LTA4H: variants seen among roughly 807,000 people sequenced by gnomAD.
LTA4H encodes the protein leukotriene A-4 hydrolase.
LTA4H carries 59 observed loss-of-function variants against 89.8 expected under a neutral mutation model. The observed-to-expected ratio is 0.66, with a 90% CI of 0.53 to 0.82. The LOEUF is 0.82. Among genes scored for constraint, LTA4H ranks in the 40% least tolerant of loss-of-function variants. The probability of loss-of-function intolerance (pLI) is 0.00; values close to 1 mark genes in which losing one functional copy is unlikely to be tolerated. For synonymous variants in LTA4H, 227 were observed against 253.1 expected (o/e 0.90, Z 0.98); for missense variants, 617 against 727.0 (o/e 0.85, Z 1.74).
At chr12:96,008,206 G>A (rs183783932) in intron 15 of LTA4H, among the ~76,000 whole-genome samples, 138 of 152,192 alleles carry the variant, frequency 9.1e-4, no homozygotes, top group African/African-American at 3.2e-3. Context: ...TTGAAATTAC[G>A]TAAAAAAATG....
At chr12:96,016,769 C>T (rs939055817) in intron 10 of LTA4H, among the ~76,000 whole-genome samples, 10 of 151,872 alleles carry the variant, frequency 6.6e-5, no homozygotes, top group African/African-American at 1.2e-4. Context: ...GGCGTGGTGG[C>T]GCATGCCTGT....
Position 96,017,080 on chromosome 12 carries a change from C to G in LTA4H, c.911G>C (p.Gly304Ala). Residue 304 changes from glycine (G) to alanine (A), a missense_variant, in exon 10 of 19, where the codon GGG (glycine) becomes GCG (alanine). Physicochemically the swap from Gly to Ala is moderately conservative, Grantham distance 60. Around this residue, in one of 3 missense-constraint regions of LTA4H, gnomAD observed 172 missense variants for 244.5 expected, o/e 0.70. Transcript: ENST00000228740. Reference sequence around the variant, plus strand: ...CCAAGTTTTGTTGGTCACTAGATTCCCTGTCCAGCTATGAGATATTTCATG... The same window carrying G: ...CCAAGTTTTGTTGGTCACTAGATTCGCTGTCCAGCTATGAGATATTTCATG... ...IAHEISHSWT[G>A]NLVTNKTWDH... 6.2e-7 allele frequency: 1 copy of G among 1,612,252 alleles called. No homozygotes were observed. The highest frequency in any genetic ancestry group is 8.5e-7 in the Non-Finnish European group (1 of 1,178,512).
intron 3 of LTA4H, chr12:96,025,405 G>T (rs1950502526): frequency 6.6e-6 from 1 of 152,202 alleles, no homozygotes; most frequent in Non-Finnish European, 1.5e-5. Context: ...AGCAAACCTT[G>T]TAAGTAAAAC....
chr12:96,004,735 C>A (rs1439766939), intron 16 of LTA4H, among the ~76,000 whole-genome samples: 1 of 152,134 alleles, frequency 6.6e-6, no homozygotes, highest in African/African-American at 2.4e-5. Context: ...CTAATCCTGT[C>A]GCTAATAATT....
At chr12:96,024,437 G>A (rs752163532) in intron 4 of LTA4H, 42 bp downstream of exon 4, 2 of 1,104,568 alleles carry the variant, frequency 1.8e-6, no homozygotes, top group Non-Finnish European at 2.8e-6. Flanking sequence ...CATATTTACT[G>A]ATATGCATCA....
At chr12:96,006,510 G>T in intron 15 of LTA4H, 101 bp from the exon 16 acceptor site, 1 of 590,266 alleles carries the variant, frequency 1.7e-6, no homozygotes, top group Non-Finnish European at 2.9e-6. Flanking sequence ...AGAACCATAT[G>T]AATGAACAAG....
intron 4 of LTA4H, 43 bp downstream of exon 4, chr12:96,024,436 T>C: frequency 9.2e-7 from 1 of 1,092,426 alleles, no homozygotes; most frequent in Non-Finnish European, 1.4e-6. Flanking sequence ...CCATATTTAC[T>C]GATATGCATC....
At chr12:96,033,127 T>C (rs567812121) in intron 1 of LTA4H, among the ~76,000 whole-genome samples, 2 of 152,326 alleles carry the variant, frequency 1.3e-5, no homozygotes, top group South Asian at 2.1e-4. Context: ...TTTTAAGTTT[T>C]TATTTTACAA....
intron 8 of LTA4H, among the ~76,000 whole-genome samples, 189 bp from the exon 9 acceptor site, chr12:96,017,769 T>C (rs1345973307): frequency 1.3e-5 from 2 of 152,200 alleles, no homozygotes; most frequent in Admixed American, 6.5e-5. Flanking sequence ...ATTAGCATCA[T>C]TCTTTCTTGC....
intron 1 of LTA4H, among the ~76,000 whole-genome samples, chr12:96,041,986 C>CTTTTTTTTTTTTTTTTT (rs145401712): frequency 9.1e-6 from 1 of 110,070 alleles, no homozygotes; most frequent in Non-Finnish European, 1.8e-5. Context: ...GTTTTTTTTT[C>CTTTTTTTTTTTTTTTTT]TTTTTTTTTT....
intron 4 of LTA4H, among the ~76,000 whole-genome samples, chr12:96,023,712 A>G (rs780995487): frequency 1.4e-4 from 22 of 152,294 alleles, no homozygotes; most frequent in Non-Finnish European, 2.8e-4. Context: ...GCCTTTTCCA[A>G]AAAGGATTAG....
intron 14 of LTA4H, 98 bp downstream of exon 14, chr12:96,013,090 G>A: frequency 1.1e-6 from 1 of 917,126 alleles, no homozygotes; most frequent in Non-Finnish European, 1.8e-6. Context: ...TCATTTACTA[G>A]TAACAGTTTC....
At chr12:96,015,310 C>A in intron 11 of LTA4H, 3 of 501,442 alleles carry the variant, frequency 6.0e-6, no homozygotes, top group Non-Finnish European at 1.0e-5. Flanking sequence ...AATGACATAC[C>A]AAATAAGATG....
chr12:96,009,320 C>G, intron 14 of LTA4H, 172 bp from the exon 15 acceptor site: 2 of 571,272 alleles, frequency 3.5e-6, no homozygotes, highest in Non-Finnish European at 6.2e-6. Context: ...CTGGCATCAT[C>G]CAAGAACTCA....
At chr12:96,042,211 C>G (rs1950693220) in intron 1 of LTA4H, among the ~76,000 whole-genome samples, 1 of 151,932 alleles carries the variant, frequency 6.6e-6, no homozygotes, top group African/African-American at 2.4e-5. Context: ...CCATGTTGCC[C>G]AGGCTGGTCT....
upstream of LTA4H, among the ~76,000 whole-genome samples, chr12:96,037,091 G>C (rs373757236): frequency 6.6e-6 from 1 of 152,220 alleles, no homozygotes; most frequent in East Asian, 1.9e-4. Context: ...TTCAACATGA[G>C]ATTTGGTAGG....
chr12:96,029,065 C>A lies in LTA4H; in HGVS notation c.280G>T (p.Ala94Ser), dbSNP rs143721623. 7 of 1,584,032 alleles carry A rather than the reference C, an allele frequency of 4.4e-6. No individual in the cohort carries two copies. The highest frequency in any genetic ancestry group is 6.0e-6 in the Non-Finnish European group (7 of 1,167,174). The stretch of plus-strand genomic sequence containing the variant: ...TCATAACATTCATACTTGCTCAAAG[C>A]GATAGGAAGAGAGATTTCCATTGGC... ...GSPMEISLPI[A>S]LSKNQEIVIE... The change falls in exon 2 of 19, where the codon GCT (alanine) becomes TCT (serine). Residue 94 changes from alanine to serine, a missense_variant. Ala to Ser is a moderately conservative substitution (Grantham distance 99, BLOSUM62 1). Transcript: ENST00000228740.
In LTA4H at chr12:96,027,513, A is replaced by C. The variant is rs11556465; in HGVS notation, c.342T>G (p.Ser114=). The C allele has an allele frequency of 6.2e-7, 1 of 1,610,914 alleles. No individual in the cohort carries two copies. Among genetic ancestry groups the C allele is most frequent in the Non-Finnish European group, 8.5e-7 (1 of 1,177,460 alleles). Residue 114 remains serine (S), a synonymous_variant, in exon 3 of 19, where the codon TCT becomes TCG. Coordinates refer to ENST00000228740, the MANE Select transcript of LTA4H (RefSeq NM_000895.3). ...EISFETSPKS[S]ALQWLTPEQT... is the part of the protein sequence containing the mutation. ...GTTCAGGAGTGAGCCACTGGAGAGC[A>C]GAAGATTTTGGAGAGGTCTCAAAAG...
At position 96,014,975 on chromosome 12, in the gene LTA4H, G is replaced by A. The variant is rs1157292022; in HGVS notation, c.1084C>T (p.Pro362Ser). The A allele has an allele frequency of 3.7e-6, 6 of 1,612,506 alleles. No homozygotes were observed. In the South Asian group the frequency reaches 5.5e-5, roughly 15 times the overall value. Residue 362 changes from proline (P) to serine (S), a missense_variant, in exon 12 of 19, where the codon CCT becomes TCT. Physicochemically the swap from Pro to Ser is moderately conservative, Grantham distance 74. Coordinates refer to ENST00000228740, the MANE Select transcript of LTA4H (RefSeq NM_000895.3). ...NSVKTFGETH[P>S]FTKLVVDLTD... Reference sequence around the variant, plus strand: ...AGATCAACCACAAGTTTGGTGAAAGGATGTGTCTCCCCAAATGTCTTTACC... The same window carrying A: ...AGATCAACCACAAGTTTGGTGAAAGAATGTGTCTCCCCAAATGTCTTTACC...
Sources: gnomAD v4.1 joint callset for allele counts (sites outside exome capture counted in the v4.1 genomes callset) on GRCh38, gnomAD v4.1.1 for gene constraint, gnomAD v4.1.1 regional missense constraint, MANE v1.5 for transcripts, NCBI Gene and HGNC (gene_info 2026-07-23, HGNC 2026-07-21) for gene names.